The following STPG2 variants were observed in gnomAD, a reference collection of about 807,000 sequenced individuals.
STPG2 encodes the protein sperm tail PG-rich repeat containing 2, also known as sperm-tail PG-rich repeat-containing protein 2.
A neutral mutation model predicts 54.2 loss-of-function variants in STPG2; 56 were observed. The ratio of observed to expected loss-of-function variants is 1.03; its 90% CI spans 0.83 to 1.29. The LOEUF (loss-of-function observed/expected upper bound fraction) is 1.29, where lower values mean the gene tolerates loss of function less well. STPG2 is among the 50% of genes most tolerant of loss of function. The probability of loss-of-function intolerance (pLI) is 0.00; values close to 1 mark genes in which losing one functional copy is unlikely to be tolerated. For missense variants in STPG2, 596 were observed against 544.9 expected, an observed-to-expected ratio of 1.09 and a Z score of -0.93; for synonymous variants, 200 against 181.8, an observed-to-expected ratio of 1.10 and a Z score of -0.81.
chr4:97,591,589 TG>T (rs1299543321), intron 10 of STPG2, among the ~76,000 whole-genome samples: 3 of 152,142 alleles, frequency 2.0e-5, no homozygotes, highest in Non-Finnish European at 2.9e-5. Context: ...AGGTGAAAAA[TG>T]ATGTGAAATA....
chr4:97,962,254 A>C (rs1352018957), intron 7 of STPG2, among the ~76,000 whole-genome samples: 1 of 152,078 alleles, frequency 6.6e-6, no homozygotes, highest in Non-Finnish European at 1.5e-5. Context: ...AATTGGGTGC[A>C]GTGTATATTG....
chr4:97,734,496 A>G (rs1724908620), intron 9 of STPG2, among the ~76,000 whole-genome samples: 1 of 152,048 alleles, frequency 6.6e-6, no homozygotes, highest in Admixed American at 6.6e-5. Context: ...TTTAGCTCCC[A>G]CTTATTAAGT....
chr4:98,067,200 A>G (rs1737860983), intron 5 of STPG2, among the ~76,000 whole-genome samples: 1 of 152,222 alleles, frequency 6.6e-6, no homozygotes, highest in African/African-American at 2.4e-5. Context: ...GAAAATTAAA[A>G]GTATATGTGG....
At chr4:97,610,519 C>G (rs948882648) in intron 10 of STPG2, among the ~76,000 whole-genome samples, 1 of 151,908 alleles carries the variant, frequency 6.6e-6, no homozygotes, top group Non-Finnish European at 1.5e-5. Context: ...GAAATAAAGG[C>G]AAGAGTAGCC....
chr4:97,498,512 G>A (rs141533154), intron 4 of STPG2, among the ~76,000 whole-genome samples: 112 of 151,648 alleles, frequency 7.4e-4, no homozygotes, highest in African/African-American at 2.6e-3. Context: ...AAACAAGGAT[G>A]TTCACATTGA....
At chr4:98,051,144 C>T (rs965216750) in intron 5 of STPG2, among the ~76,000 whole-genome samples, 1 of 56,172 alleles carries the variant, frequency 1.8e-5, no homozygotes, top group African/African-American at 8.0e-5. Context: ...AATGAGAGAT[C>T]CACCTTAGGT....
At chr4:97,582,424 C>T (rs1732885615) in intron 10 of STPG2, among the ~76,000 whole-genome samples, 1 of 151,888 alleles carries the variant, frequency 6.6e-6, no homozygotes, top group African/African-American at 2.4e-5. Context: ...AAAAGTGAGT[C>T]AATTCAGTAA....
chr4:97,500,388 G>C (rs187797387), intron 4 of STPG2, among the ~76,000 whole-genome samples: 1 of 152,048 alleles, frequency 6.6e-6, no homozygotes. Context: ...AAAAGATCAG[G>C]AGTTTGGCTC....
In STPG2 at chr4:98,128,514, G is replaced by A. The variant is rs749159168; in HGVS notation, c.301C>T (p.His101Tyr). 6.2e-7 allele frequency: 1 copy of A among 1,613,576 alleles called. No homozygotes were observed. Among genetic ancestry groups the A allele is most frequent in the South Asian group, 1.1e-5 (1 of 90,950 alleles). Residue 101 changes from histidine (H) to tyrosine (Y), a missense_variant, in exon 3 of 11, where the codon CAT becomes TAT. By Grantham distance (83) the His-to-Tyr change is moderately conservative. Transcript: ENST00000295268. ...IPSCGKSYGY[H>Y]INDDGSIIKC... ...ATAATACTGCCATCATCATTAATAT[G>A]ATAACCATATGACTTTCCACAAGAA... is the stretch of plus-strand genomic sequence containing the variant.
At chr4:97,847,863 C>T (rs1447928318) in intron 8 of STPG2, among the ~76,000 whole-genome samples, 1 of 152,138 alleles carries the variant, frequency 6.6e-6, no homozygotes. Flanking sequence ...CTAAAAATGA[C>T]CAAGGTTATA....
intron 4 of STPG2, among the ~76,000 whole-genome samples, chr4:97,536,295 A>G (rs2148856949): frequency 6.6e-6 from 1 of 152,248 alleles, no homozygotes; most frequent in Middle Eastern, 3.4e-3. Context: ...TTGTAATACC[A>G]TGTCAAGGGA....
intron 9 of STPG2, among the ~76,000 whole-genome samples, chr4:97,820,958 GC>G: frequency 6.6e-6 from 1 of 152,130 alleles, no homozygotes; most frequent in Non-Finnish European, 1.5e-5. Flanking sequence ...TTCGCCCTCT[GC>G]CCCCCAAATC....
chr4:97,775,486 C>G (rs989274330), intron 9 of STPG2, among the ~76,000 whole-genome samples: 1 of 152,260 alleles, frequency 6.6e-6, no homozygotes, highest in Admixed American at 6.5e-5. Context: ...TATTCACCTT[C>G]TATTTACCAA....
At position 97,833,049 on chromosome 4, in the gene STPG2, C is replaced by A. The variant is rs188893089; in HGVS notation, c.1204+7724G>T. On this transcript the variant is annotated intron_variant, in intron 9 of 10. Coordinates refer to ENST00000295268, the MANE Select transcript of STPG2 (RefSeq NM_174952.3). ...TGGAACCAAAAGGAGCCCGCATTGC[C>A]AAGACAATCCTAAGCAAAAAGAAAA... Among the ~76,000 whole-genome samples, 25 of 152,168 alleles carry A rather than the reference C, an allele frequency of 1.6e-4. 2 individuals carry two copies. In the East Asian group the frequency reaches 4.8e-3, roughly 29 times the overall value.
At chr4:98,007,770 G>GA (rs35876488) in intron 5 of STPG2, among the ~76,000 whole-genome samples, 9 of 149,484 alleles carry the variant, frequency 6.0e-5, no homozygotes, top group African/African-American at 9.8e-5. Flanking sequence ...ATCCTTTAAG[G>GA]AAAAAAAAAT....
At chr4:97,835,215 T>C (rs1728595294) in intron 9 of STPG2, among the ~76,000 whole-genome samples, 1 of 152,056 alleles carries the variant, frequency 6.6e-6, no homozygotes, top group South Asian at 2.1e-4. Context: ...GAGTGACCTT[T>C]GGTCATCCTC....
intron 10 of STPG2, among the ~76,000 whole-genome samples, chr4:97,570,707 C>T (rs1277038793): frequency 6.6e-6 from 1 of 152,160 alleles, no homozygotes; most frequent in Non-Finnish European, 1.5e-5. Flanking sequence ...TTATCTACCA[C>T]TTATTAGCCT....
chr4:97,443,938 A>G (rs1183773544), intron 4 of STPG2, among the ~76,000 whole-genome samples: 5 of 152,182 alleles, frequency 3.3e-5, no homozygotes, highest in African/African-American at 1.2e-4. Flanking sequence ...GCTTAACAAA[A>G]TTGTTGGCAA....
chr4:97,941,634 A>T (rs763330869), intron 8 of STPG2, among the ~76,000 whole-genome samples: 43 of 152,094 alleles, frequency 2.8e-4, no homozygotes, highest in Non-Finnish European at 4.6e-4. Flanking sequence ...CAACTGGGAA[A>T]ATTAAGCTAT....
Sources: gnomAD v4.1 joint callset for allele counts (sites outside exome capture counted in the v4.1 genomes callset) on GRCh38, gnomAD v4.1.1 for gene constraint, MANE v1.5 for transcripts, NCBI Gene and HGNC (gene_info 2026-07-23, HGNC 2026-07-21) for gene names.